Variants in DOCK9 observed in about 807,000 individuals in gnomAD.
DOCK9 encodes dedicator of cytokinesis protein 9.
A neutral mutation model predicts 263.3 loss-of-function variants in DOCK9; 89 were observed. The observed-to-expected ratio is 0.34, with a 90% confidence interval of 0.28 to 0.40. DOCK9 has a LOEUF of 0.40. DOCK9 is among the 10% of genes least tolerant of loss of function. The pLI, the probability that DOCK9 is intolerant of heterozygous loss-of-function variation, is 1.00. For missense variants in DOCK9, 2,140 were observed against 2,603.4 expected, an observed-to-expected ratio of 0.82 and a Z score of 3.87; for synonymous variants, 976 against 973.1, an observed-to-expected ratio of 1.00 and a Z score of -0.06.
intron 2 of DOCK9, among the ~76,000 whole-genome samples, chr13:98,940,536 T>C (rs553323268): frequency 6.6e-6 from 1 of 152,258 alleles, no homozygotes; most frequent in South Asian, 2.1e-4. Flanking sequence ...AGTGCTAGGA[T>C]TACAGGCGTG....
At chr13:98,881,111 G>A (rs1205990914) in intron 25 of DOCK9, among the ~76,000 whole-genome samples, 1 of 152,060 alleles carries the variant, frequency 6.6e-6, no homozygotes, top group Non-Finnish European at 1.5e-5. Flanking sequence ...TAAATAACTT[G>A]TTGATGTTTA....
chr13:98,856,145 T>C (rs2093701389), intron 33 of DOCK9, 114 bp from the exon 34 acceptor site: 4 of 1,167,284 alleles, frequency 3.4e-6, no homozygotes, highest in African/African-American at 1.5e-5. Context: ...TGTTAGGAAG[T>C]TGGCTCAAGA....
At position 98,955,544 on chromosome 13, in the gene DOCK9, G is replaced by A. The variant is rs2057954491; in HGVS notation, c.134C>T (p.Pro45Leu). 1 of 1,585,208 alleles carries A rather than the reference G, an allele frequency of 6.3e-7. No individual in the cohort carries two copies. The highest frequency in any genetic ancestry group is 8.6e-7 in the Non-Finnish European group (1 of 1,164,000). Reference protein sequence around the residue: ...AESPGPVPAKPKLIEPLDYEN... With the variant: ...AESPGPVPAKLKLIEPLDYEN... The stretch of plus-strand genomic sequence containing the variant: ...ATAGTCGAGTGGCTCAATTAGCTTT[G>A]GCTTTGCCTGGAGGGCGAAAAGATA... The change falls in exon 2 of 53, where the codon CCA becomes CTA. Residue 45 changes from proline to leucine, a missense_variant. This residue lies in a region of DOCK9 where 1,521 missense variants were observed against 1,741.7 expected (regional missense o/e 0.87). Coordinates refer to ENST00000682017, the MANE Select transcript of DOCK9 (RefSeq NM_001366683.2).
intron 15 of DOCK9, among the ~76,000 whole-genome samples, chr13:98,889,115 T>G (rs773605705): frequency 5.9e-5 from 9 of 152,220 alleles, no homozygotes; most frequent in Non-Finnish European, 1.0e-4. Flanking sequence ...ACAGCTCAAG[T>G]GTTCCTGAAT....
At chr13:98,813,694 C>T (rs1276351086) in intron 45 of DOCK9, among the ~76,000 whole-genome samples, 10 of 151,982 alleles carry the variant, frequency 6.6e-5, no homozygotes, top group Non-Finnish European at 1.0e-4. Flanking sequence ...GGCTGGAGTG[C>T]GACGGCGTGA....
At chr13:98,813,975 T>C (rs747998204) in intron 45 of DOCK9, among the ~76,000 whole-genome samples, 1 of 152,220 alleles carries the variant, frequency 6.6e-6, no homozygotes, top group Non-Finnish European at 1.5e-5. Flanking sequence ...GGGTCTATAG[T>C]TGCTTTTGAA....
chr13:98,881,974 C>T lies in DOCK9; in HGVS notation c.2593G>A (p.Ala865Thr), dbSNP rs377041723. 116 of 1,598,172 alleles carry T rather than the reference C, an allele frequency of 7.3e-5. 1 individual carries two copies. The highest frequency in any genetic ancestry group is 7.7e-5 in the Non-Finnish European group (90 of 1,172,474). Reference protein sequence around the residue: ...LHAMEGHVMIAFLPTILNQLF... With the variant: ...LHAMEGHVMITFLPTILNQLF... ...TGGTTTAGGATAGTGGGCAAGAAGG[C>T]GATCATCACGTGGCCTTCCATCGCA... Residue 865 changes from alanine to threonine, a missense_variant, in exon 24 of 53, where the codon GCC becomes ACC. Physicochemically the swap from Ala to Thr is moderately conservative, Grantham distance 58 (BLOSUM62 0). Coordinates refer to ENST00000682017, the MANE Select transcript of DOCK9 (RefSeq NM_001366683.2).
chr13:98,869,214 C>G (rs2094127934), intron 27 of DOCK9, among the ~76,000 whole-genome samples: 1 of 152,226 alleles, frequency 6.6e-6, no homozygotes, highest in South Asian at 2.1e-4. Context: ...CAACAGGAAC[C>G]TACAAAATTA....
Position 98,863,059 on chromosome 13 carries a change from T to C in DOCK9, c.3539A>G (p.Asn1180Ser). ...GLLIENVQRI[N>S]VRDVSPFPVN... ...AGGGAAGGGTGACACATCCCTCACATTGATCCGCTGGACGTTTTCAATCAG... is the reference window on the plus strand; with the variant it reads ...AGGGAAGGGTGACACATCCCTCACACTGATCCGCTGGACGTTTTCAATCAG... Residue 1180 changes from asparagine (N) to serine (S), a missense_variant, in exon 32 of 53, where the codon AAT (asparagine) becomes AGT (serine). Physicochemically the swap from Asn to Ser is conservative, Grantham distance 46. Around this residue, in one of 2 missense-constraint regions of DOCK9, gnomAD observed 1,521 missense variants for 1,741.7 expected, o/e 0.87. Coordinates refer to ENST00000682017, the MANE Select transcript of DOCK9 (RefSeq NM_001366683.2). 1.9e-6 allele frequency: 3 copies of C among 1,611,572 alleles called. No individual in the cohort carries two copies. The highest frequency in any genetic ancestry group is 2.2e-5 in the South Asian group (2 of 90,082).
At chr13:98,987,601 G>A (rs1878766761) in intron 1 of DOCK9, among the ~76,000 whole-genome samples, 1 of 152,202 alleles carries the variant, frequency 6.6e-6, no homozygotes, top group Admixed American at 6.5e-5. Flanking sequence ...CCTAAAGCTA[G>A]AAGTCAATAC....
chr13:98,958,069 A>G (rs913043306), intron 1 of DOCK9, among the ~76,000 whole-genome samples: 1 of 152,216 alleles, frequency 6.6e-6, no homozygotes, highest in African/African-American at 2.4e-5. Flanking sequence ...AGCCCTGGAC[A>G]GGGGGTTGGA....
At chr13:99,021,383 T>C (rs1031144081) in intron 1 of DOCK9, among the ~76,000 whole-genome samples, 1 of 152,210 alleles carries the variant, frequency 6.6e-6, no homozygotes, top group Non-Finnish European at 1.5e-5. Flanking sequence ...CTCATGCCTG[T>C]AATCCCAGCA....
Position 98,831,430 on chromosome 13 carries a change from T to C in DOCK9, c.4553A>G (p.Glu1518Gly), listed in dbSNP as rs1341611424. ...CNSKLSSIRT[E>G]ASQLLYFLMR... is the part of the protein sequence containing the mutation. ...CAGGAAGTAGAGCAGCTGGGAGGCC[T>C]CCGTCCTGATGGAGCTCAGCTTGGA... The change falls in exon 41 of 53, where the codon GAG (glutamate) becomes GGG (glycine). Residue 1518 changes from glutamate to glycine, a missense_variant. Glu to Gly is a moderately conservative substitution (Grantham distance 98). Transcript: ENST00000682017. 1.2e-6 allele frequency: 2 copies of C among 1,601,244 alleles called. No homozygotes were observed. The highest frequency in any genetic ancestry group is 1.7e-6 in the Non-Finnish European group (2 of 1,173,530).
At chr13:98,846,505 C>T (rs779614471) in intron 37 of DOCK9, 1 of 1,350,994 alleles carries the variant, frequency 7.4e-7, no homozygotes, top group East Asian at 4.6e-5. Flanking sequence ...TGAGTTTTAA[C>T]ACCTTTATTC....
intron 45 of DOCK9, among the ~76,000 whole-genome samples, chr13:98,813,630 TTTTTAA>T (rs763948516): frequency 9.2e-5 from 14 of 152,110 alleles, no homozygotes; most frequent in Admixed American, 4.6e-4. Flanking sequence ...AATATATATT[TTTTTAA>T]TTTTAATTTT....
chr13:98,890,103 GT>G (rs761214784), intron 15 of DOCK9, among the ~76,000 whole-genome samples: 10 of 151,982 alleles, frequency 6.6e-5, no homozygotes, highest in Non-Finnish European at 1.5e-4. Flanking sequence ...GCTATTTCTA[GT>G]TTATCAAAGT....
chr13:99,016,540 C>T (rs1460655371), intron 1 of DOCK9, among the ~76,000 whole-genome samples: 2 of 152,234 alleles, frequency 1.3e-5, no homozygotes, highest in South Asian at 2.1e-4. Flanking sequence ...TGAGGTCTCA[C>T]AGTCAGCATG....
At chr13:98,814,375 T>C (rs1448495087) in intron 45 of DOCK9, among the ~76,000 whole-genome samples, 18 of 151,852 alleles carry the variant, frequency 1.2e-4, no homozygotes, top group Admixed American at 1.2e-3. Context: ...CCCACTCTTT[T>C]CCTTTGTATC....
chr13:99,070,380 A>C (rs1219284087), intron 1 of DOCK9, among the ~76,000 whole-genome samples: 1 of 152,162 alleles, frequency 6.6e-6, no homozygotes, highest in Non-Finnish European at 1.5e-5. Flanking sequence ...CTATCTTTTC[A>C]TGTGTTTCCT....
Sources: allele counts gnomAD v4.1 joint callset (sites outside exome capture counted in the v4.1 genomes callset), GRCh38; gene constraint gnomAD v4.1.1; regional missense constraint gnomAD v4.1.1; transcripts MANE v1.5; gene names NCBI Gene and HGNC (gene_info 2026-07-23, HGNC 2026-07-21).